The following ZNF658 variants were observed in gnomAD, a reference collection of about 807,000 sequenced individuals.
ZNF658 encodes zinc finger protein 658.
A neutral mutation model predicts 78.0 loss-of-function variants in ZNF658; 46 were observed. That is an observed-to-expected ratio of 0.59 (90% CI 0.47 to 0.75). The LOEUF is 0.75. Ranked by LOEUF, ZNF658 falls within the 30% of genes least tolerant of loss-of-function variation. The probability of loss-of-function intolerance (pLI) is 0.00; values close to 1 mark genes in which losing one functional copy is unlikely to be tolerated. For synonymous variants in ZNF658, 279 were observed against 408.4 expected (o/e 0.68, Z 3.82); for missense variants, 785 against 1,189.3 (o/e 0.66, Z 5.00).
chr9:66,910,827 AGTT>A (rs1822199082), intron 4 of ZNF658, among the ~76,000 whole-genome samples: 3 of 141,912 alleles, frequency 2.1e-5, no homozygotes, highest in African/African-American at 8.0e-5. Flanking sequence ...AAATCAGTAA[AGTT>A]GTTGAGTCAA....
At chr9:66,909,256 C>T (rs200150176) in intron 4 of ZNF658, among the ~76,000 whole-genome samples, 9,680 of 151,972 alleles carry the variant, frequency 0.064, 417 homozygotes, top group Middle Eastern at 0.11. Flanking sequence ...TGTCCCATCC[C>T]CCCTGCCCTC....
chr9:66,926,438 T>A (rs1822586845), intron 6 of ZNF658, among the ~76,000 whole-genome samples: 1 of 151,814 alleles, frequency 6.6e-6, no homozygotes, highest in South Asian at 2.1e-4. Context: ...AAATAAACTC[T>A]CTGAAAGAAA....
rs752936158 is a variant in ZNF658 at position 66,919,477 on chromosome 9, G to T, written c.1911G>T (p.Arg637Ser). The T allele has an allele frequency of 2.6e-6, 4 of 1,566,372 alleles. No individual in the cohort carries two copies. The South Asian group carries it at 3.4e-5, about 13-fold the overall frequency. ...EKPYECNECG[R>S]SFAHISVLKA... ...CTTATGAATGTAATGAATGTGGAAG[G>T]TCTTTTGCCCATATTTCTGTTCTCA... The change falls in exon 5 of 5, where the codon AGG (arginine) becomes AGT (serine). Residue 637 changes from arginine to serine, a missense_variant. By Grantham distance (110) the Arg-to-Ser change is moderately radical. This residue lies in a region of ZNF658 where 75 missense variants were observed against 147.1 expected (regional missense o/e 0.51). Transcript: ENST00000621410.
At chr9:66,904,567 C>A (rs1397816219) in intron 2 of ZNF658, among the ~76,000 whole-genome samples, 1 of 151,876 alleles carries the variant, frequency 6.6e-6, no homozygotes, top group African/African-American at 2.4e-5. Context: ...TACCATGTAC[C>A]CATTTAAAGT....
chr9:66,918,210 T>C lies in ZNF658; in HGVS notation c.644T>C (p.Phe215Ser). The C allele has an allele frequency of 1.9e-6, 3 of 1,605,874 alleles. No homozygotes were observed. Among genetic ancestry groups the C allele is most frequent in the Non-Finnish European group, 2.5e-6 (3 of 1,177,230 alleles). The change falls in exon 5 of 5, where the codon TTT becomes TCT. Residue 215 changes from phenylalanine (F) to serine (S), a missense_variant. Physicochemically the swap from Phe to Ser is radical, Grantham distance 155. Coordinates refer to ENST00000621410, the MANE Select transcript of ZNF658 (RefSeq NM_033160.7). ...HWKFQTLEES[F>S]ECDGSGQGLY... ...AAATTTCAAACTTTGGAGGAATCTT[T>C]TGAATGTGATGGATCTGGACAAGGT...
In ZNF658 at chr9:66,918,354, C is replaced by T. The variant is rs763673309; in HGVS notation, c.788C>T (p.Thr263Ile). 2.5e-5 allele frequency: 41 copies of T among 1,613,762 alleles called. No individual in the cohort carries two copies. The highest frequency in any genetic ancestry group is 3.1e-5 in the Non-Finnish European group (37 of 1,179,842). ...ATCACTTTATTTAACCACATGAGAA[C>T]TGACACAAGGGGGAAATGCTCTGAT... is the stretch of plus-strand genomic sequence containing the variant. ...DKITLFNHMRTDTRGKCSDLN... is the reference protein window; with the variant it reads ...DKITLFNHMRIDTRGKCSDLN... The change falls in exon 5 of 5, where the codon ACT (threonine) becomes ATT (isoleucine). Residue 263 changes from threonine (T) to isoleucine (I), a missense_variant. Coordinates refer to ENST00000621410, the MANE Select transcript of ZNF658 (RefSeq NM_033160.7).
chr9:66,915,455 T>G (rs1587363623), intron 4 of ZNF658, among the ~76,000 whole-genome samples: 1 of 150,220 alleles, frequency 6.7e-6, no homozygotes, highest in African/African-American at 2.4e-5. Flanking sequence ...CAGAGCTAGC[T>G]ACTTCACTTT....
At chr9:66,929,827 G>A (rs1222193667) in intron 6 of ZNF658, among the ~76,000 whole-genome samples, 6 of 120,028 alleles carry the variant, frequency 5.0e-5, no homozygotes, top group African/African-American at 9.1e-5. Context: ...TCTGTTGCCC[G>A]GGCTGGAGTG....
At chr9:66,909,545 C>T (rs1399998669) in intron 4 of ZNF658, among the ~76,000 whole-genome samples, 2 of 151,322 alleles carry the variant, frequency 1.3e-5, no homozygotes, top group African/African-American at 2.4e-5. Flanking sequence ...CAGGTTTCTG[C>T]ATGGACAATT....
At chr9:66,903,339 G>C (rs551613885) in intron 1 of ZNF658, 179 bp from the exon 2 acceptor site, 155 of 543,510 alleles carry the variant, frequency 2.9e-4, no homozygotes, top group African/African-American at 2.5e-3. Context: ...CTCCAGCTGA[G>C]TGCGATGATT....
chr9:66,903,394 A>G (rs1821997167), intron 1 of ZNF658, 124 bp from the exon 2 acceptor site: 2 of 666,348 alleles, frequency 3.0e-6, no homozygotes, highest in Non-Finnish European at 5.5e-6. Context: ...CCTTGATTAC[A>G]GTGGGGTTAT....
rs1255066368 is a variant in ZNF658, at chr9:66,917,879, A to T, written c.313A>T (p.Ser105Cys). 1.1e-5 allele frequency: 18 copies of T among 1,603,670 alleles called. 1 individual carries two copies. The highest frequency in any genetic ancestry group is 1.5e-5 in the Non-Finnish European group (18 of 1,177,854). ...EKPLWQEIFI[S>C]DADKTLSKEG... ...ACCTCTGTGGCAAGAAATATTCATCAGTGATGCTGACAAAACATTGAGTAA... is the reference window on the plus strand; with the variant it reads ...ACCTCTGTGGCAAGAAATATTCATCTGTGATGCTGACAAAACATTGAGTAA... The change falls in exon 5 of 5, where the codon AGT (serine) becomes TGT (cysteine). Residue 105 changes from serine to cysteine, a missense_variant. By Grantham distance (112) the Ser-to-Cys change is moderately radical. Around this residue, in one of 12 missense-constraint regions of ZNF658, gnomAD observed 54 missense variants for 48.9 expected, o/e 1.10. Transcript: ENST00000621410.
intron 4 of ZNF658, among the ~76,000 whole-genome samples, chr9:66,910,588 C>T (rs1381776644): frequency 6.6e-6 from 1 of 151,960 alleles, no homozygotes; most frequent in African/African-American, 2.4e-5. Context: ...GCAGACAGAT[C>T]ACGAGGTCAG....
At chr9:66,922,032 A>C (rs1587371122), downstream of ZNF658, among the ~76,000 whole-genome samples, 1 of 94,590 alleles carries the variant, frequency 1.1e-5, no homozygotes, top group African/African-American at 3.9e-5. Context: ...TTGTTTATGT[A>C]CTCAAGCCTC....
intron 6 of ZNF658, among the ~76,000 whole-genome samples, chr9:66,929,840 G>T (rs1587374323): frequency 8.0e-6 from 1 of 125,124 alleles, no homozygotes. Context: ...CTGGAGTGCA[G>T]TGGCATGATC....
intron 4 of ZNF658, among the ~76,000 whole-genome samples, chr9:66,910,971 CTG>C (rs1357714624): frequency 4.0e-5 from 6 of 151,428 alleles, no homozygotes; most frequent in Non-Finnish European, 5.9e-5. Context: ...ATTTGAATGA[CTG>C]CACCAAATAA....
At chr9:66,910,901 A>C (rs1363245338) in intron 4 of ZNF658, among the ~76,000 whole-genome samples, 4 of 151,690 alleles carry the variant, frequency 2.6e-5, no homozygotes, top group African/African-American at 9.7e-5. Context: ...TCAGGCAAGA[A>C]ATTCATTAAA....
chr9:66,901,147 G>A (rs1402484729), intron 1 of ZNF658: 1 of 152,196 alleles, frequency 6.6e-6, no homozygotes, highest in Non-Finnish European at 1.5e-5. Context: ...ATTTTGTTAA[G>A]TGTCTGTAAT....
At chr9:66,901,993 G>A (rs923150245) in intron 1 of ZNF658, among the ~76,000 whole-genome samples, 1 of 152,112 alleles carries the variant, frequency 6.6e-6, no homozygotes, top group Non-Finnish European at 1.5e-5. Flanking sequence ...AAAAAGAAGA[G>A]GCAGGCAAAG....
Sources: allele counts gnomAD v4.1 joint callset (sites outside exome capture counted in the v4.1 genomes callset), GRCh38; gene constraint gnomAD v4.1.1; regional missense constraint gnomAD v4.1.1; transcripts MANE v1.5; gene names NCBI Gene and HGNC (gene_info 2026-07-23, HGNC 2026-07-21).